Variants in ST18 observed in about 807,000 individuals in gnomAD.
ST18 encodes the protein suppression of tumorigenicity 18 protein.
ST18 carries 50 observed loss-of-function variants against 110.0 expected under a neutral mutation model. That is an observed-to-expected ratio of 0.45 (90% CI 0.36 to 0.58). The LOEUF (loss-of-function observed/expected upper bound fraction) is 0.58, where lower values mean the gene tolerates loss of function less well. ST18 is among the 20% of genes least tolerant of loss of function. ST18 has a pLI of 0.00. For missense variants in ST18, 1,306 were observed against 1,280.1 expected, an observed-to-expected ratio of 1.02 and a Z score of -0.31; for synonymous variants, 461 against 452.4, an observed-to-expected ratio of 1.02 and a Z score of -0.24.
At chr8:52,164,168 A>G in intron 12 of ST18, 78 bp from the exon 13 acceptor site, 1 of 1,126,718 alleles carries the variant, frequency 8.9e-7, no homozygotes, top group Non-Finnish European at 1.3e-6. Flanking sequence ...CTCACAGCAC[A>G]CTTGGCACAC....
chr8:52,356,790 T>G (rs187325148), intron 2 of ST18, among the ~76,000 whole-genome samples: 39 of 151,730 alleles, frequency 2.6e-4, no homozygotes, highest in Admixed American at 1.1e-3. Flanking sequence ...AGAGAGAAAT[T>G]TTCAAAATAA....
intron 2 of ST18, among the ~76,000 whole-genome samples, chr8:52,345,062 T>C (rs1446046945): frequency 6.6e-6 from 1 of 152,178 alleles, no homozygotes; most frequent in Non-Finnish European, 1.5e-5. Flanking sequence ...TCAATACATA[T>C]AATTATAACA....
At chr8:52,375,198 C>G (rs1389904457) in intron 2 of ST18, among the ~76,000 whole-genome samples, 1 of 152,118 alleles carries the variant, frequency 6.6e-6, no homozygotes, top group African/African-American at 2.4e-5. Context: ...TGTTATCTCT[C>G]TCATCTTAAA....
In ST18 at chr8:52,323,292, GA is replaced by G. The variant is rs199539703; in HGVS notation, c.-465+86035del. Among the ~76,000 whole-genome samples the G allele has an allele frequency of 5.9e-3, 902 of 152,326 alleles. 5 individuals carry two copies. Among genetic ancestry groups the G allele is most frequent in the African/African-American group, 0.021 (855 of 41,570 alleles). On this transcript the variant is annotated intron_variant, in intron 2 of 25. Transcript: ENST00000689386. Reference sequence around the variant, plus strand: ...GATCTGTTTTTATTTGAGGTTCAGTGAAAGATTTAATTTGAAATACATGTGA... The same window carrying G: ...GATCTGTTTTTATTTGAGGTTCAGTGAAGATTTAATTTGAAATACATGTGA...
At chr8:52,180,374 A>C in intron 8 of ST18, 62 bp from the exon 9 acceptor site, 1 of 1,574,300 alleles carries the variant, frequency 6.4e-7, no homozygotes, top group Non-Finnish European at 8.7e-7. Context: ...TTTGGCATTT[A>C]ACTTTCATGA....
intron 2 of ST18, among the ~76,000 whole-genome samples, chr8:52,349,939 C>A (rs941521057): frequency 6.6e-6 from 1 of 152,124 alleles, no homozygotes; most frequent in South Asian, 2.1e-4. Flanking sequence ...TTGAGATAGG[C>A]ACACTTGTCC....
At chr8:52,274,602 T>C (rs2095177682) in intron 2 of ST18, among the ~76,000 whole-genome samples, 1 of 152,144 alleles carries the variant, frequency 6.6e-6, no homozygotes, top group Non-Finnish European at 1.5e-5. Context: ...CAAGGGTAGG[T>C]CCTGTTTGCT....
chr8:52,247,125 A>C (rs945449621), intron 2 of ST18, among the ~76,000 whole-genome samples: 6 of 152,194 alleles, frequency 3.9e-5, no homozygotes, highest in Non-Finnish European at 7.3e-5. Flanking sequence ...AGCATCTACT[A>C]CAGTCCTCTG....
chr8:52,405,874 G>A (rs1844304139), intron 2 of ST18: 1 of 152,170 alleles, frequency 6.6e-6, no homozygotes, highest in African/African-American at 2.4e-5. Flanking sequence ...GGAAGGGGTG[G>A]TCATCATGCT....
At chr8:52,201,863 G>C (rs1471570356) in intron 8 of ST18, among the ~76,000 whole-genome samples, 2 of 152,194 alleles carry the variant, frequency 1.3e-5, no homozygotes, top group African/African-American at 4.8e-5. Flanking sequence ...ATTTGAAAAT[G>C]ACCAAATGAG....
intron 9 of ST18, among the ~76,000 whole-genome samples, chr8:52,173,237 T>C (rs1455070313): frequency 1.3e-5 from 2 of 152,206 alleles, no homozygotes; most frequent in Non-Finnish European, 2.9e-5. Context: ...AACAGGGAAA[T>C]TAGCATGATC....
chr8:52,391,895 C>A (rs1839428097), intron 2 of ST18, among the ~76,000 whole-genome samples: 3 of 151,940 alleles, frequency 2.0e-5, no homozygotes, highest in South Asian at 4.2e-4. Context: ...TTCTGAATGG[C>A]AGGAAAAGGG....
intron 2 of ST18, among the ~76,000 whole-genome samples, chr8:52,316,041 T>A (rs1406622040): frequency 6.6e-6 from 1 of 152,228 alleles, no homozygotes; most frequent in Non-Finnish European, 1.5e-5. Flanking sequence ...CTGTGGTGTT[T>A]TGTATTTTTA....
chr8:52,346,162 T>G (rs531414993), intron 2 of ST18, among the ~76,000 whole-genome samples: 145 of 151,206 alleles, frequency 9.6e-4, no homozygotes, highest in African/African-American at 3.4e-3. Context: ...TATGTAAAAT[T>G]TATTTTATTT....
intron 2 of ST18, among the ~76,000 whole-genome samples, chr8:52,396,773 T>A (rs867724193): frequency 1.2e-4 from 18 of 151,978 alleles, no homozygotes; most frequent in Admixed American, 9.8e-4. Context: ...ACAAGGTCCC[T>A]CCCCCATCAC....
intron 21 of ST18, 26 bp downstream of exon 21, chr8:52,133,031 C>T (rs1448603036): frequency 1.9e-6 from 3 of 1,610,634 alleles, no homozygotes; most frequent in African/African-American, 1.3e-5. Flanking sequence ...GACAGCTGAC[C>T]CCCATGTCTC....
intron 2 of ST18, chr8:52,296,378 C>T (rs2095637843): frequency 6.6e-6 from 1 of 152,140 alleles, no homozygotes; most frequent in Non-Finnish European, 1.5e-5. Context: ...TACAGCCTAC[C>T]TGTATTTTAC....
intron 3 of ST18, among the ~76,000 whole-genome samples, chr8:52,225,331 C>T (rs1369695445): frequency 2.6e-5 from 4 of 152,052 alleles, no homozygotes; most frequent in African/African-American, 7.2e-5. Flanking sequence ...ATTCTAACAC[C>T]TTGTGGGAAA....
chr8:52,158,900 T>G lies in ST18; in HGVS notation c.1804A>C (p.Lys602Gln). 5.6e-6 allele frequency: 9 copies of G among 1,613,966 alleles called. No individual in the cohort carries two copies. The highest frequency in any genetic ancestry group is 7.6e-6 in the Non-Finnish European group (9 of 1,179,862). ...TCCGGGCTCTTGGACTGGCCTACCT[T>G]GGCATGCAGACTCTGTGGCTTGTTG... Reference protein sequence around the residue: ...LSNKPQSLHAKGAEIEVDENG... With the variant: ...LSNKPQSLHAQGAEIEVDENG... Residue 602 changes from lysine (K) to glutamine (Q), a missense_variant and splice_region_variant, in exon 15 of 26, where the codon AAG becomes CAG. Coordinates refer to ENST00000689386, the MANE Select transcript of ST18 (RefSeq NM_001352837.2).
Sources: gnomAD v4.1 joint callset for allele counts (sites outside exome capture counted in the v4.1 genomes callset) on GRCh38, gnomAD v4.1.1 for gene constraint, MANE v1.5 for transcripts, NCBI Gene and HGNC (gene_info 2026-07-23, HGNC 2026-07-21) for gene names.